ME3: variants seen among roughly 807,000 people sequenced by gnomAD.
The protein encoded by ME3 is malic enzyme 3.
Under a neutral mutation model 68.9 loss-of-function variants are expected in ME3, and 48 were observed. The ratio of observed to expected loss-of-function variants is 0.70; its 90% CI spans 0.55 to 0.89. ME3 has a LOEUF of 0.89. Among genes scored for constraint, ME3 ranks in the 40% least tolerant of loss-of-function variants. The probability of loss-of-function intolerance (pLI) is 0.00; values close to 1 mark genes in which losing one functional copy is unlikely to be tolerated. For synonymous variants in ME3, 320 were observed against 318.8 expected, an observed-to-expected ratio of 1.00 and a Z score of -0.04; for missense variants, 675 against 797.4, an observed-to-expected ratio of 0.85 and a Z score of 1.85.
chr11:86,597,185 T>C (rs918058274), intron 2 of ME3, among the ~76,000 whole-genome samples: 1 of 152,208 alleles, frequency 6.6e-6, no homozygotes, highest in Non-Finnish European at 1.5e-5. Flanking sequence ...CTAAGGTGCA[T>C]TGCCAAGGCA....
At chr11:86,475,904 GAGAA>G (rs142415240) in intron 7 of ME3, among the ~76,000 whole-genome samples, 3 of 148,520 alleles carry the variant, frequency 2.0e-5, no homozygotes, top group African/African-American at 7.6e-5. Flanking sequence ...GAGAGAGAAA[GAGAA>G]AGAGAGAGAG....
chr11:86,668,979 G>T (rs915186258), intron 2 of ME3, among the ~76,000 whole-genome samples: 1 of 152,188 alleles, frequency 6.6e-6, no homozygotes, highest in African/African-American at 2.4e-5. Flanking sequence ...TTTCAAAACT[G>T]CACTTCCATT....
intron 8 of ME3, among the ~76,000 whole-genome samples, chr11:86,453,037 C>T (rs1302137104): frequency 1.3e-5 from 2 of 151,990 alleles, no homozygotes; most frequent in Non-Finnish European, 2.9e-5. Context: ...CTCACTCGGT[C>T]GCCCAGGCTG....
At chr11:86,550,949 C>T (rs1483243423) in intron 4 of ME3, among the ~76,000 whole-genome samples, 1 of 151,784 alleles carries the variant, frequency 6.6e-6, no homozygotes, top group Non-Finnish European at 1.5e-5. Flanking sequence ...TAATTCATGT[C>T]CCAGGGGTCC....
intron 2 of ME3, among the ~76,000 whole-genome samples, chr11:86,650,510 A>C (rs963446062): frequency 6.6e-6 from 1 of 152,244 alleles, no homozygotes; most frequent in Non-Finnish European, 1.5e-5. Flanking sequence ...CTAGCATCAG[A>C]GTGAGCAGGC....
At chr11:86,445,637 G>A (rs953710715) in intron 13 of ME3, among the ~76,000 whole-genome samples, 2 of 152,190 alleles carry the variant, frequency 1.3e-5, no homozygotes, top group African/African-American at 4.8e-5. Flanking sequence ...CTGGCACTTG[G>A]TAACTACCTG....
chr11:86,609,968 C>T (rs1942442055), intron 2 of ME3, among the ~76,000 whole-genome samples: 1 of 152,190 alleles, frequency 6.6e-6, no homozygotes, highest in South Asian at 2.1e-4. Flanking sequence ...CATTTGTTAA[C>T]CCATTTAGTC....
downstream of ME3, chr11:86,436,482 A>C (rs1439435495): frequency 6.6e-6 from 1 of 151,546 alleles, no homozygotes; most frequent in African/African-American, 2.4e-5. Context: ...CCCAAAAAAA[A>C]GTGTTTCAAA....
At chr11:86,472,265 T>A (rs1269423445) in intron 7 of ME3, among the ~76,000 whole-genome samples, 1 of 152,166 alleles carries the variant, frequency 6.6e-6, no homozygotes, top group Non-Finnish European at 1.5e-5. Flanking sequence ...CTTGGTGGAA[T>A]GCAGGAGCCA....
chr11:86,468,935 T>G (rs1950632836), intron 7 of ME3, among the ~76,000 whole-genome samples: 1 of 152,182 alleles, frequency 6.6e-6, no homozygotes, highest in Non-Finnish European at 1.5e-5. Context: ...AGCTACAGAT[T>G]GCAAGTTATT....
At chr11:86,656,005 C>T (rs1236915444) in intron 2 of ME3, among the ~76,000 whole-genome samples, 3 of 151,690 alleles carry the variant, frequency 2.0e-5, no homozygotes, top group Non-Finnish European at 3.0e-5. Flanking sequence ...AAAATGCTCA[C>T]CATCACTGGC....
intron 7 of ME3, among the ~76,000 whole-genome samples, chr11:86,471,165 T>TTTTTTTTTTTTTTTTTTTTTTTTTTG (rs1950763513): frequency 7.1e-6 from 1 of 140,006 alleles, no homozygotes; most frequent in Admixed American, 7.1e-5. Flanking sequence ...TTTTTTTTTT[T>TTTTTTTTTTTTTTTTTTTTTTTTTTG]TTGAGAGACA....
At chr11:86,597,231 G>C (rs1373951629) in intron 2 of ME3, among the ~76,000 whole-genome samples, 1 of 152,262 alleles carries the variant, frequency 6.6e-6, no homozygotes, top group Non-Finnish European at 1.5e-5. Context: ...GACCTGGAAT[G>C]AAAATCTGGA....
At chr11:86,560,250 G>A (rs978086239) in intron 2 of ME3, among the ~76,000 whole-genome samples, 1 of 152,156 alleles carries the variant, frequency 6.6e-6, no homozygotes, top group African/African-American at 2.4e-5. Flanking sequence ...TCTTGTGATA[G>A]TGAGTGAGTT....
intron 2 of ME3, among the ~76,000 whole-genome samples, chr11:86,607,209 T>A (rs1961800757): frequency 6.6e-6 from 1 of 152,102 alleles, no homozygotes; most frequent in African/African-American, 2.4e-5. Flanking sequence ...CTCCTCTGAG[T>A]GATCTTTCTA....
intron 4 of ME3, among the ~76,000 whole-genome samples, chr11:86,547,624 G>A (rs1381634179): frequency 6.6e-6 from 1 of 151,874 alleles, no homozygotes; most frequent in Admixed American, 6.6e-5. Flanking sequence ...AGAACTTAAA[G>A]TATAATAAAA....
intron 2 of ME3, among the ~76,000 whole-genome samples, chr11:86,602,904 A>T (rs982998346): frequency 6.6e-6 from 1 of 152,228 alleles, no homozygotes; most frequent in Non-Finnish European, 1.5e-5. Flanking sequence ...CATATGTAGA[A>T]AGCTGAAACT....
At chr11:86,606,135 T>C (rs1393427200) in intron 2 of ME3, among the ~76,000 whole-genome samples, 1 of 152,352 alleles carries the variant, frequency 6.6e-6, no homozygotes, top group Admixed American at 6.5e-5. Context: ...CAATATCATG[T>C]GACCCTTACA....
chr11:86,604,304 C>A (rs560112368), intron 2 of ME3, among the ~76,000 whole-genome samples: 5 of 152,096 alleles, frequency 3.3e-5, no homozygotes, highest in African/African-American at 1.2e-4. Context: ...CCCCCATTTC[C>A]TGTCGGGTCA....
Sources: allele counts gnomAD v4.1 joint callset (sites outside exome capture counted in the v4.1 genomes callset), GRCh38; gene constraint gnomAD v4.1.1; transcripts MANE v1.5; gene names NCBI Gene and HGNC (gene_info 2026-07-23, HGNC 2026-07-21).